Variants in PCDHA4 observed in about 807,000 individuals in gnomAD.
PCDHA4 encodes the protein protocadherin alpha 4, also known as protocadherin alpha-4.
A neutral mutation model predicts 61.4 loss-of-function variants in PCDHA4; 49 were observed. That is an observed-to-expected ratio of 0.80 (90% confidence interval 0.63 to 1.01). The LOEUF is 1.01. Ranked by LOEUF, PCDHA4 falls within the 50% of genes least tolerant of loss-of-function variation. The pLI is 0.00. For synonymous variants in PCDHA4, 590 were observed against 550.3 expected (o/e 1.07, Z -1.01); for missense variants, 1,254 against 1,235.8 (o/e 1.01, Z -0.22).
At chr5:140,864,838 A>C (rs868993134) in intron 1 of PCDHA4, 5 of 152,252 alleles carry the variant, frequency 3.3e-5, no homozygotes, top group Admixed American at 1.3e-4. Flanking sequence ...AGTATAAGAG[A>C]GTCTTCCCAT....
In PCDHA4 at chr5:140,839,239, T is replaced by C. The variant is rs112328641; in HGVS notation, c.2385+29667T>C. Among the ~76,000 whole-genome samples the C allele has an allele frequency of 2.6e-3, 403 of 152,128 alleles. 5 individuals carry two copies. The highest frequency in any genetic ancestry group is 9.3e-3 in the African/African-American group (387 of 41,468). ...TGTAACTGTAATCTGTTTTTATTGCTTTGCTTTTATGCTTACATGCATGTA... is the reference window on the plus strand; with the variant it reads ...TGTAACTGTAATCTGTTTTTATTGCCTTGCTTTTATGCTTACATGCATGTA... On this transcript the variant is annotated intron_variant, in intron 1 of 3. Transcript: ENST00000530339.
At chr5:140,963,206 AC>A (rs145404740) in intron 1 of PCDHA4, among the ~76,000 whole-genome samples, 1,595 of 152,188 alleles carry the variant, frequency 0.01, 28 homozygotes, top group African/African-American at 0.037. Context: ...GAAAAAAAAA[AC>A]CTCGTGTTTA....
chr5:140,877,193 G>T, intron 1 of PCDHA4: 1 of 1,613,832 alleles, frequency 6.2e-7, no homozygotes, highest in Non-Finnish European at 8.5e-7. Flanking sequence ...GGCAGCGCAG[G>T]AGGCGCAGTT....
intron 1 of PCDHA4, among the ~76,000 whole-genome samples, chr5:140,840,448 G>T (rs1381266800): frequency 1.3e-5 from 2 of 151,904 alleles, no homozygotes; most frequent in Non-Finnish European, 2.9e-5. Flanking sequence ...AAATAGAAAC[G>T]TTAAATAAAA....
At chr5:140,876,445 A>G in intron 1 of PCDHA4, 1 of 1,614,014 alleles carries the variant, frequency 6.2e-7, no homozygotes, top group Non-Finnish European at 8.5e-7. Context: ...CGCCATTGAT[A>G]AAGGGATTCC....
chr5:140,828,941 C>T (rs2150161087), intron 1 of PCDHA4: 5 of 1,614,196 alleles, frequency 3.1e-6, no homozygotes, highest in African/African-American at 2.7e-5. Context: ...TTTTAATAGC[C>T]TTGTTGCAGC....
chr5:140,831,520 C>CTTTTTTT (rs35178185), intron 1 of PCDHA4, among the ~76,000 whole-genome samples: 11 of 122,404 alleles, frequency 9.0e-5, no homozygotes, highest in Non-Finnish European at 1.6e-4. Context: ...TGCCCCCCAC[C>CTTTTTTT]TTTTTTTTTT....
chr5:140,832,712 T>C (rs1357328899), intron 1 of PCDHA4, among the ~76,000 whole-genome samples: 1 of 152,102 alleles, frequency 6.6e-6, no homozygotes. Flanking sequence ...ATTTAATAGA[T>C]AAATAAAGGT....
chr5:140,928,569 GCCCAGAAATGGTTCTGT>G, intron 1 of PCDHA4: 1 of 1,614,202 alleles, frequency 6.2e-7, no homozygotes, highest in Non-Finnish European at 8.5e-7. Flanking sequence ...TGTTTCCCTT[GCCCAGAAATGGTTCTGT>G]CCCAGTGGAA....
At chr5:141,007,161 G>C (rs2098308747) in intron 3 of PCDHA4, among the ~76,000 whole-genome samples, 1 of 152,146 alleles carries the variant, frequency 6.6e-6, no homozygotes, top group Non-Finnish European at 1.5e-5. Context: ...TCAAAGAACA[G>C]TCAGAGAGAA....
At chr5:140,813,459 G>C (rs1173620168) in intron 1 of PCDHA4, 4 of 152,178 alleles carry the variant, frequency 2.6e-5, no homozygotes, top group Non-Finnish European at 4.4e-5. Flanking sequence ...ACAATGGTAA[G>C]TATTTGTATA....
At chr5:140,993,468 A>G (rs1327306188) in intron 3 of PCDHA4, among the ~76,000 whole-genome samples, 1 of 69,412 alleles carries the variant, frequency 1.4e-5, no homozygotes, top group African/African-American at 5.6e-5. Context: ...TTTCTCACAC[A>G]CACACACACA....
At chr5:140,908,226 T>A (rs1488573035) in intron 1 of PCDHA4, among the ~76,000 whole-genome samples, 1 of 152,140 alleles carries the variant, frequency 6.6e-6, no homozygotes, top group Non-Finnish European at 1.5e-5. Flanking sequence ...GAACCAGTCC[T>A]TAGTCTTCTC....
intron 1 of PCDHA4, chr5:140,881,499 C>A: frequency 3.8e-6 from 1 of 261,884 alleles, no homozygotes; most frequent in Non-Finnish European, 5.9e-6. Context: ...TGCACATACA[C>A]ACACTCACAT....
intron 1 of PCDHA4, among the ~76,000 whole-genome samples, chr5:140,902,026 A>G (rs1554190175): frequency 6.6e-6 from 1 of 152,114 alleles, no homozygotes; most frequent in Non-Finnish European, 1.5e-5. Flanking sequence ...TAGAAATACT[A>G]CTAATTTTTG....
intron 1 of PCDHA4, chr5:140,966,951 C>T (rs781885198): frequency 6.2e-7 from 1 of 1,603,742 alleles, no homozygotes; most frequent in Non-Finnish European, 8.5e-7. Context: ...GGCAACGTGG[C>T]TCGCGCGCTG....
intron 1 of PCDHA4, chr5:140,870,169 C>T: frequency 6.2e-7 from 1 of 1,614,140 alleles, no homozygotes; most frequent in Non-Finnish European, 8.5e-7. Flanking sequence ...TTCCTTGTCC[C>T]TCCCAGTACG....
intron 1 of PCDHA4, chr5:140,828,172 G>C: frequency 3.1e-6 from 5 of 1,614,172 alleles, no homozygotes; most frequent in Non-Finnish European, 4.2e-6. Context: ...GGAAGGTGGG[G>C]AGCGGCCAGC....
intron 3 of PCDHA4, among the ~76,000 whole-genome samples, chr5:140,984,824 C>T (rs920985683): frequency 6.6e-6 from 1 of 151,980 alleles, no homozygotes; most frequent in African/African-American, 2.4e-5. Flanking sequence ...TCTTAATTAC[C>T]CTTTCTGTAA....
Sources: gnomAD v4.1 joint callset for allele counts (sites outside exome capture counted in the v4.1 genomes callset) on GRCh38, gnomAD v4.1.1 for gene constraint, MANE v1.5 for transcripts, NCBI Gene and HGNC (gene_info 2026-07-23, HGNC 2026-07-21) for gene names.